Variants in PCDHGA2 observed in about 807,000 individuals in gnomAD.
PCDHGA2 encodes protocadherin gamma subfamily A, 2, also known as protocadherin gamma-A2.
In PCDHGA2, 40 loss-of-function variants were observed where a neutral mutation model predicts 59.2. The ratio of observed to expected loss-of-function variants is 0.68; its 90% CI spans 0.52 to 0.88. The LOEUF (loss-of-function observed/expected upper bound fraction) is 0.88, where lower values mean the gene tolerates loss of function less well. Ranked by LOEUF, PCDHGA2 falls within the 40% of genes least tolerant of loss-of-function variation. The probability of loss-of-function intolerance (pLI) is 0.00; values close to 1 mark genes in which losing one functional copy is unlikely to be tolerated. For missense variants in PCDHGA2, 1,226 were observed against 1,204.0 expected, an observed-to-expected ratio of 1.02 and a Z score of -0.27; for synonymous variants, 560 against 526.0, an observed-to-expected ratio of 1.06 and a Z score of -0.89.
chr5:141,495,603 C>T (rs2099762369), intron 2 of PCDHGA2, among the ~76,000 whole-genome samples: 1 of 152,238 alleles, frequency 6.6e-6, no homozygotes, highest in Non-Finnish European at 1.5e-5. Flanking sequence ...TAGCTTCCGT[C>T]TTGATTGCTG....
intron 1 of PCDHGA2, chr5:141,418,787 G>A: frequency 6.2e-7 from 1 of 1,613,794 alleles, no homozygotes; most frequent in Non-Finnish European, 8.5e-7. Context: ...TTTGGATTTT[G>A]AAGAAGTAGA....
rs759385100 is a variant in PCDHGA2, at chr5:141,341,394, A to G, written c.2423A>G (p.Gln808Arg). 1.2e-6 allele frequency: 2 copies of G among 1,614,212 alleles called. No individual in the cohort carries two copies. Among genetic ancestry groups the G allele is most frequent in the Non-Finnish European group, 1.7e-6 (2 of 1,180,044 alleles). ...GAAGAAAGAGAAGAAACGTTTTCTC[A>G]GGTAATCTATCTTTTCACAACATAC... ...LEEEREETFS[Q>R]QAPPNTDWRF... The change falls in exon 1 of 4, where the codon CAG becomes CGG. Residue 808 changes from glutamine (Q) to arginine (R), a missense_variant and splice_region_variant. Coordinates refer to ENST00000394576, the MANE Select transcript of PCDHGA2 (RefSeq NM_018915.4).
chr5:141,446,266 A>C (rs1268290014), intron 1 of PCDHGA2, among the ~76,000 whole-genome samples: 1 of 152,174 alleles, frequency 6.6e-6, no homozygotes, highest in African/African-American at 2.4e-5. Context: ...TTATTAACTG[A>C]ATAAATACAA....
At chr5:141,395,085 T>C (rs2093165281) in intron 1 of PCDHGA2, 1 of 1,614,026 alleles carries the variant, frequency 6.2e-7, no homozygotes, top group South Asian at 1.1e-5. Flanking sequence ...CCAGGAAGTC[T>C]CCCTCACCGC....
At chr5:141,393,721 T>C (rs769235037) in intron 1 of PCDHGA2, 26 of 1,613,752 alleles carry the variant, frequency 1.6e-5, no homozygotes, top group African/African-American at 8.0e-5. Context: ...GAAATATCAA[T>C]AGCAAAAAGT....
At position 141,340,926 on chromosome 5, in the gene PCDHGA2, C is replaced by T. The variant is rs1405910388; in HGVS notation, c.1955C>T (p.Pro652Leu). The T allele has an allele frequency of 6.2e-7, 1 of 1,613,690 alleles. No homozygotes were observed. The highest frequency in any genetic ancestry group is 8.5e-7 in the Non-Finnish European group (1 of 1,179,938). ...LVVAIQDHGQ[P>L]PLSATVTLTV... ...GTGGCCATCCAGGACCACGGCCAGC[C>T]CCCTCTCTCCGCCACTGTCACGCTC... The change falls in exon 1 of 4, where the codon CCC becomes CTC. Residue 652 changes from proline (P) to leucine (L), a missense_variant. Physicochemically the swap from Pro to Leu is moderately conservative, Grantham distance 98. Coordinates refer to ENST00000394576, the MANE Select transcript of PCDHGA2 (RefSeq NM_018915.4).
Position 141,409,135 on chromosome 5 carries a change from T to C in PCDHGA2, c.2424+67740T>C, listed in dbSNP as rs748247175. 3.1e-6 allele frequency: 5 copies of C among 1,614,026 alleles called. No homozygotes were observed. In the South Asian group the frequency reaches 3.3e-5, roughly 11 times the overall value. On this transcript the variant is annotated intron_variant, in intron 1 of 3. Coordinates refer to ENST00000394576, the MANE Select transcript of PCDHGA2 (RefSeq NM_018915.4). ...ATAACCAGTCATTTGATTTTGAAGA[T>C]GTAGAAAGGTACACCATGGAAGTGG...
At chr5:141,503,902 C>T (rs552180745) in intron 2 of PCDHGA2, among the ~76,000 whole-genome samples, 7 of 152,328 alleles carry the variant, frequency 4.6e-5, no homozygotes, top group African/African-American at 1.7e-4. Context: ...AATATGCACA[C>T]ACACAACGCA....
rs775331499 is a variant in PCDHGA2 at position 141,422,779 on chromosome 5, C to T, written c.2425-72028C>T. The T allele has an allele frequency of 8.7e-6, 14 of 1,614,070 alleles. No homozygotes were observed. In the East Asian group the frequency reaches 2.9e-4, roughly 33 times the overall value. ...CTCCAACACTGGTGTTCTCTATGCC[C>T]TACAATCCTTCGACTATGAGCAGTT... On this transcript the variant is annotated intron_variant, in intron 1 of 3. Transcript: ENST00000394576.
In PCDHGA2 at chr5:141,341,179, G is replaced by C; in HGVS notation, c.2208G>C (p.Gln736His). The change falls in exon 1 of 4, where the codon CAG (glutamine) becomes CAC (histidine). Residue 736 changes from glutamine to histidine, a missense_variant. Physicochemically the swap from Gln to His is conservative, Grantham distance 24. Transcript: ENST00000394576. ...QASGGSLTGM[Q>H]SSHFVGVDGV... ...CAGGAGGCAGCTTGACAGGCATGCA[G>C]AGCTCGCACTTTGTGGGCGTGGACG... is the stretch of plus-strand genomic sequence containing the variant. 6.2e-7 allele frequency: 1 copy of C among 1,613,540 alleles called. No homozygotes were observed. The highest frequency in any genetic ancestry group is 8.5e-7 in the Non-Finnish European group (1 of 1,179,482).
intron 1 of PCDHGA2, chr5:141,361,473 C>G (rs374176708): frequency 1.2e-6 from 2 of 1,614,024 alleles, no homozygotes; most frequent in Non-Finnish European, 1.7e-6. Context: ...CCGACGTCAA[C>G]GATAATGCCC....
chr5:141,405,364 C>G, intron 1 of PCDHGA2: 1 of 1,613,548 alleles, frequency 6.2e-7, no homozygotes, highest in Non-Finnish European at 8.5e-7. Context: ...TAGAAGACAC[C>G]CCTTTGGTTC....
At chr5:141,403,864 A>C in intron 1 of PCDHGA2, 1 of 1,613,794 alleles carries the variant, frequency 6.2e-7, no homozygotes, top group Non-Finnish European at 8.5e-7. Flanking sequence ...TATCAACAGC[A>C]AAAAGTCTAG....
intron 1 of PCDHGA2, chr5:141,427,815 G>A: frequency 6.5e-7 from 1 of 1,527,760 alleles, no homozygotes; most frequent in Non-Finnish European, 9.0e-7. Context: ...ACAGAGCGGG[G>A]TGGTGGTCGC....
Position 141,374,348 on chromosome 5 carries a change from AG to A in PCDHGA2, c.2424+32955del, listed in dbSNP as rs750321680. The A allele has an allele frequency of 1.9e-6, 3 of 1,613,910 alleles. No individual in the cohort carries two copies. The African/African-American group carries it at 4.0e-5, about 22-fold the overall frequency. On this transcript the variant is annotated intron_variant, in intron 1 of 3. Coordinates refer to ENST00000394576, the MANE Select transcript of PCDHGA2 (RefSeq NM_018915.4). ...AAACGGCAGCTTGGTCACCGCGGGT[AG>A]GATAGACCGCGAGGAGCTCTGTGCT...
At chr5:141,420,453 C>A (rs1026053173) in intron 1 of PCDHGA2, 76 of 977,580 alleles carry the variant, frequency 7.8e-5, no homozygotes, top group Non-Finnish European at 8.8e-5. Context: ...AGTCTTCCTA[C>A]TATTCAAAGA....
chr5:141,350,781 ACTTCT>A lies in PCDHGA2; in HGVS notation c.2424+9389_2424+9393del, dbSNP rs1758558440. On this transcript the variant is annotated intron_variant, in intron 1 of 3. Coordinates refer to ENST00000394576, the MANE Select transcript of PCDHGA2 (RefSeq NM_018915.4). ...TTATACACCATCAACCCCAATCAAT[ACTTCT>A]CTCTGTCAACGAAGGAAAGTCCTGA... is the stretch of plus-strand genomic sequence containing the variant. The A allele has an allele frequency of 4.3e-6, 7 of 1,613,952 alleles. No homozygotes were observed. In the East Asian group the frequency reaches 1.6e-4, roughly 36 times the overall value.
chr5:141,341,647 T>C, intron 1 of PCDHGA2: 1 of 719,482 alleles, frequency 1.4e-6, no homozygotes, highest in South Asian at 2.0e-5. Context: ...GAGCACTGCA[T>C]TAGGAACTAG....
chr5:141,339,545 C>A lies in PCDHGA2; in HGVS notation c.574C>A (p.Pro192Thr). ...VRRGADGNKY[P>T]ELVLERSLDR... Reference sequence around the variant, plus strand: ...AAGGGGAGCTGATGGGAACAAGTACCCAGAACTGGTGCTGGAGCGCTCTCT... The same window carrying A: ...AAGGGGAGCTGATGGGAACAAGTACACAGAACTGGTGCTGGAGCGCTCTCT... The change falls in exon 1 of 4, where the codon CCA becomes ACA. Residue 192 changes from proline (P) to threonine (T), a missense_variant. Physicochemically the swap from Pro to Thr is conservative, Grantham distance 38. Coordinates refer to ENST00000394576, the MANE Select transcript of PCDHGA2 (RefSeq NM_018915.4). 1 of 1,614,098 alleles carries A rather than the reference C, an allele frequency of 6.2e-7. No individual in the cohort carries two copies. Among genetic ancestry groups the A allele is most frequent in the African/African-American group, 1.3e-5 (1 of 75,006 alleles).
Sources: allele counts gnomAD v4.1 joint callset (sites outside exome capture counted in the v4.1 genomes callset), GRCh38; gene constraint gnomAD v4.1.1; transcripts MANE v1.5; gene names NCBI Gene and HGNC (gene_info 2026-07-23, HGNC 2026-07-21).